Variants in SCGB2B2 observed in about 807,000 individuals in gnomAD.
The protein encoded by SCGB2B2 is secretoglobin-like protein.
Under a neutral mutation model 7.6 loss-of-function variants are expected in SCGB2B2, and 11 were observed. That is an observed-to-expected ratio of 1.45 (90% confidence interval 0.91 to 2.40). The LOEUF (loss-of-function observed/expected upper bound fraction) is 2.40, where lower values mean the gene tolerates loss of function less well. SCGB2B2 is among the 30% of genes most tolerant of loss of function. SCGB2B2 has a pLI of 0.00. For missense variants in SCGB2B2, 104 were observed against 115.4 expected (o/e 0.90, Z 0.45); for synonymous variants, 50 against 48.6 (o/e 1.03, Z -0.12).
Position 34,591,380 on chromosome 19 carries a change from G to T in SCGB2B2, c.*2175C>A, listed in dbSNP as rs1200062253. Among the ~76,000 whole-genome samples, 1 of 152,156 alleles carries T rather than the reference G, an allele frequency of 6.6e-6. No individual in the cohort carries two copies. Among genetic ancestry groups the T allele is most frequent in the Non-Finnish European group, 1.5e-5 (1 of 68,038 alleles). On this transcript the variant is annotated 3_prime_UTR_variant, in exon 4 of 4. Transcript: ENST00000601241. ...TTCAACAGCAGGTGCTGTCAGTGCTGCCCCAGCCTCTGTCTCCCTCGTGTC... is the reference window on the plus strand; with the variant it reads ...TTCAACAGCAGGTGCTGTCAGTGCTTCCCCAGCCTCTGTCTCCCTCGTGTC...
intron 1 of SCGB2B2, among the ~76,000 whole-genome samples, chr19:34,596,876 C>G (rs573524830): frequency 3.3e-5 from 5 of 152,026 alleles, no homozygotes; most frequent in Admixed American, 3.3e-4. Flanking sequence ...ATCTTCCTTC[C>G]CTCTCTGGAC....
chr19:34,644,349 T>C (rs28650962), intron 1 of SCGB2B2, among the ~76,000 whole-genome samples: 1 of 124,414 alleles, frequency 8.0e-6, no homozygotes, highest in Non-Finnish European at 1.6e-5. Flanking sequence ...CTTGTTTTTT[T>C]GTTTTTTTTT....
At chr19:34,636,540 T>C (rs1425483426) in intron 1 of SCGB2B2, among the ~76,000 whole-genome samples, 2 of 152,182 alleles carry the variant, frequency 1.3e-5, no homozygotes, top group Admixed American at 6.5e-5. Context: ...AAGAACTACT[T>C]AGGCTATGTG....
Position 34,594,569 on chromosome 19 carries a change from C to T in SCGB2B2, c.-6G>A, listed in dbSNP as rs199608000. 43 of 1,612,172 alleles carry T rather than the reference C, an allele frequency of 2.7e-5. No homozygotes were observed. The African/African-American group carries it at 3.9e-4, about 15-fold the overall frequency. On this transcript the variant is annotated 5_prime_UTR_variant, in exon 2 of 4. Transcript: ENST00000601241. ...GTGGCGGATGTCACCCTCATGACAG[C>T]GGAGTCTGGTCCCAGCAGGCACAGG...
intron 1 of SCGB2B2, among the ~76,000 whole-genome samples, chr19:34,662,079 A>G (rs1447024379): frequency 2.0e-5 from 3 of 151,824 alleles, no homozygotes; most frequent in Non-Finnish European, 2.9e-5. Flanking sequence ...AGGAGCTTTC[A>G]CCATGTTGGC....
intron 1 of SCGB2B2, among the ~76,000 whole-genome samples, chr19:34,668,233 T>G (rs1235622305): frequency 6.6e-6 from 1 of 151,780 alleles, no homozygotes; most frequent in Non-Finnish European, 1.5e-5. Flanking sequence ...GCGTGGCGCT[T>G]GCGAGCCAGC....
intron 1 of SCGB2B2, among the ~76,000 whole-genome samples, chr19:34,633,214 T>TAG (rs1217258094): frequency 6.6e-6 from 1 of 152,216 alleles, no homozygotes; most frequent in East Asian, 1.9e-4. Context: ...TGGCACTGGC[T>TAG]TCTCTGTGTT....
chr19:34,621,287 C>T (rs1334001207), intron 1 of SCGB2B2, among the ~76,000 whole-genome samples: 1 of 152,102 alleles, frequency 6.6e-6, no homozygotes, highest in Non-Finnish European at 1.5e-5. Context: ...CAGGGTGGAG[C>T]TCTTTAAGAA....
chr19:34,635,586 C>T (rs1241737446), intron 1 of SCGB2B2: 2 of 228,166 alleles, frequency 8.8e-6, no homozygotes, highest in Non-Finnish European at 9.2e-6. Flanking sequence ...GAATTTCCCA[C>T]ATTCACTGCA....
chr19:34,642,325 G>T (rs1270328062), intron 1 of SCGB2B2, among the ~76,000 whole-genome samples: 1 of 152,166 alleles, frequency 6.6e-6, no homozygotes, highest in Non-Finnish European at 1.5e-5. Context: ...AACATAGGGA[G>T]CTGCTGAAAG....
At chr19:34,663,090 C>A (rs2067510438) in intron 1 of SCGB2B2, among the ~76,000 whole-genome samples, 1 of 152,216 alleles carries the variant, frequency 6.6e-6, no homozygotes, top group African/African-American at 2.4e-5. Flanking sequence ...ATGCCGACGC[C>A]CCTGACACCT....
Position 34,593,512 on chromosome 19 carries a change from G to A in SCGB2B2, c.*43C>T, listed in dbSNP as rs367770037. 392 of 1,493,376 alleles carry A rather than the reference G, an allele frequency of 2.6e-4. No homozygotes were observed. The highest frequency in any genetic ancestry group is 3.4e-4 in the Non-Finnish European group (373 of 1,096,100). 92.5% of individuals were successfully genotyped at this position (1,493,376 alleles called of 1,614,324 possible). ...AGGCCAGGAACGCGGGGAGCCCCAA[G>A]GAAGGCAGGAGGGCCAATATCTGAT... On this transcript the variant is annotated 3_prime_UTR_variant, in exon 4 of 4. Transcript: ENST00000601241.
intron 1 of SCGB2B2, among the ~76,000 whole-genome samples, chr19:34,665,019 G>A (rs1003514707): frequency 6.6e-6 from 1 of 152,214 alleles, no homozygotes; most frequent in African/African-American, 2.4e-5. Flanking sequence ...GCCCCATCAT[G>A]TACCTGGTGG....
rs1262562203 is a variant in SCGB2B2 at position 34,595,415 on chromosome 19, A to C, written c.-852T>G. ...TGCATCACAGGCATAATCTATAGCA[A>C]TAGCAGTTTAAATGAGTCTCCTTTG... On this transcript the variant is annotated 5_prime_UTR_variant, in exon 2 of 4. Coordinates refer to ENST00000601241, the MANE Select transcript of SCGB2B2 (RefSeq NM_001025591.4). 6.5e-6 allele frequency: 1 copy of C among 152,692 alleles called. No homozygotes were observed. The highest frequency in any genetic ancestry group is 1.5e-5 in the Non-Finnish European group (1 of 68,060). 9.5% of individuals were successfully genotyped at this position (152,692 alleles called of 1,614,324 possible).
intron 1 of SCGB2B2, among the ~76,000 whole-genome samples, chr19:34,600,038 GT>G (rs113461309): frequency 3.6e-4 from 54 of 151,430 alleles, no homozygotes; most frequent in African/African-American, 1.2e-3. Context: ...TGATTTTATG[GT>G]TTTTTTTTAT....
chr19:34,620,341 T>G (rs1296240710), intron 1 of SCGB2B2, among the ~76,000 whole-genome samples: 2 of 152,104 alleles, frequency 1.3e-5, no homozygotes, highest in African/African-American at 4.8e-5. Flanking sequence ...TGGAATATTA[T>G]GCAGCCATAA....
rs1321116453 is a variant in SCGB2B2 at position 34,595,730 on chromosome 19, G to C, written c.-1167C>G. ...CCCTTTTCCCAGCACCTACATATGA[G>C]GGAGCTGATGTCACTCACGTGATTT... On this transcript the variant is annotated 5_prime_UTR_variant, in exon 2 of 4. Coordinates refer to ENST00000601241, the MANE Select transcript of SCGB2B2 (RefSeq NM_001025591.4). The C allele has an allele frequency of 6.6e-6, 1 of 152,222 alleles. No individual in the cohort carries two copies. Among genetic ancestry groups the C allele is most frequent in the Non-Finnish European group, 1.5e-5 (1 of 68,056 alleles). 9.4% of individuals were successfully genotyped at this position (152,222 alleles called of 1,614,324 possible). A position where few individuals can be genotyped will look rare whatever the true frequency, so the allele number is the denominator to read the frequency against.
intron 3 of SCGB2B2, 43 bp downstream of exon 3, chr19:34,594,132 G>A (rs369668723): frequency 6.7e-6 from 10 of 1,497,654 alleles, no homozygotes; most frequent in African/African-American, 4.1e-5. Flanking sequence ...AGCCTGGGAC[G>A]TGTGGCCATG....
chr19:34,635,144 T>C, intron 1 of SCGB2B2: 1 of 294,270 alleles, frequency 3.4e-6, no homozygotes, highest in South Asian at 4.3e-5. Context: ...AGGCCATAGC[T>C]TTGTCTAAAG....
Sources: allele counts gnomAD v4.1 joint callset (sites outside exome capture counted in the v4.1 genomes callset), GRCh38; gene constraint gnomAD v4.1.1; transcripts MANE v1.5; gene names NCBI Gene and HGNC (gene_info 2026-07-23, HGNC 2026-07-21).